Variants in GGTA1 observed in about 807,000 individuals in gnomAD.
The protein encoded by GGTA1 is inactive N-acetyllactosaminide alpha-1,3-galactosyltransferase.
In GGTA1, 5 loss-of-function variants were observed where a neutral mutation model predicts 2.6. That is an observed-to-expected ratio of 1.92 (90% CI 1.00 to 4.04). GGTA1 has a LOEUF of 4.04. Among genes scored for constraint, GGTA1 ranks in the 30% most tolerant of loss-of-function variants. The pLI, the probability that GGTA1 is intolerant of heterozygous loss-of-function variation, is 0.00. For missense variants in GGTA1, 50 were observed against 16.7 expected, an observed-to-expected ratio of 2.99 and a Z score of -3.47; for synonymous variants, 17 against 5.0, an observed-to-expected ratio of 3.38 and a Z score of -3.19.
chr9:121,480,890 A>G (rs1828628871), intron 1 of GGTA1, among the ~76,000 whole-genome samples: 1 of 152,168 alleles, frequency 6.6e-6, no homozygotes, highest in South Asian at 2.1e-4. Context: ...GCAGTGGCTC[A>G]GGCCTGTAAT....
rs113567500 is a variant in GGTA1, at chr9:121,489,385, G to A, written c.-10+10265C>T. 5.7e-3 allele frequency among the ~76,000 whole-genome samples: 870 copies of A among 152,110 alleles called. 8 individuals are homozygous for A. The highest frequency in any genetic ancestry group is 0.019 in the African/African-American group (808 of 41,462). ...AGCTAATCCTTTATTTTCTTTAGAGGTGAGGTCTTACTATGTTGCCCAGTC... is the reference window on the plus strand; with the variant it reads ...AGCTAATCCTTTATTTTCTTTAGAGATGAGGTCTTACTATGTTGCCCAGTC... On this transcript the variant is annotated intron_variant, in intron 1 of 5. Coordinates refer to ENST00000481799, the MANE Select transcript of GGTA1 (RefSeq NM_001382585.1).
In GGTA1 at chr9:121,465,016, AAAC is replaced by A. The variant is rs1196586091; in HGVS notation, c.81-1691_81-1689del. ...AAAAACAAAACAAACAAAAAAAAAA[AAAC>A]AAAAAACAACTCCTCCCCTTGAAGT... On this transcript the variant is annotated intron_variant, in intron 2 of 5. Transcript: ENST00000481799. 2.3e-3 allele frequency among the ~76,000 whole-genome samples: 342 copies of A among 150,104 alleles called. 10 individuals carry two copies. The highest frequency in any genetic ancestry group is 4.8e-3 in the South Asian group (23 of 4,782).
At chr9:121,451,550 G>A (rs2064878474), downstream of GGTA1, among the ~76,000 whole-genome samples, 1 of 152,190 alleles carries the variant, frequency 6.6e-6, no homozygotes, top group South Asian at 2.1e-4. Context: ...GAACAAGGGA[G>A]TTGAAACTGG....
At chr9:121,452,604 T>C (rs1258873700), downstream of GGTA1, among the ~76,000 whole-genome samples, 1 of 152,190 alleles carries the variant, frequency 6.6e-6, no homozygotes, top group East Asian at 1.9e-4. Context: ...CTGTAGTCTC[T>C]GCCTCCCAGG....
chr9:121,451,245 G>A (rs1399809680), downstream of GGTA1, among the ~76,000 whole-genome samples: 1 of 152,046 alleles, frequency 6.6e-6, no homozygotes, highest in Non-Finnish European at 1.5e-5. Flanking sequence ...TCACCCAGGG[G>A]CGTGATCTCA....
chr9:121,498,918 A>C lies in GGTA1; in HGVS notation c.-10+732T>G, dbSNP rs150833999. ...TGTTTTTTTTTTTTTTACTTTCTTC[A>C]AGAGTTTGTGCAATCATTGTGTTTA... On this transcript the variant is annotated intron_variant, in intron 1 of 5. Coordinates refer to ENST00000481799, the MANE Select transcript of GGTA1 (RefSeq NM_001382585.1). Among the ~76,000 whole-genome samples the C allele has an allele frequency of 8.3e-3, 1,228 of 148,816 alleles. 18 individuals are homozygous for C. The highest frequency in any genetic ancestry group is 0.029 in the African/African-American group (1,170 of 40,274).
intron 2 of GGTA1, among the ~76,000 whole-genome samples, chr9:121,466,599 G>T (rs139978274): frequency 4.5e-4 from 68 of 152,074 alleles, no homozygotes; most frequent in Non-Finnish European, 6.6e-4. Context: ...GCACCTAAAG[G>T]CACGGTTCCA....
chr9:121,499,259 G>T (rs937330697), intron 1 of GGTA1, among the ~76,000 whole-genome samples: 5 of 151,858 alleles, frequency 3.3e-5, no homozygotes, highest in African/African-American at 7.3e-5. Context: ...CCATTCCTCT[G>T]TCCTGCCCCA....
At chr9:121,469,534 G>A (rs114927821) in intron 1 of GGTA1, among the ~76,000 whole-genome samples, 3,574 of 152,282 alleles carry the variant, frequency 0.023, 138 homozygotes, top group African/African-American at 0.082. Context: ...CTGTGTGCTG[G>A]GGTGTGGAGG....
At chr9:121,451,342 C>G (rs543862666), downstream of GGTA1, among the ~76,000 whole-genome samples, 1 of 152,150 alleles carries the variant, frequency 6.6e-6, no homozygotes, top group Non-Finnish European at 1.5e-5. Flanking sequence ...TGTGCCACCA[C>G]GCCCAGCTAA....
chr9:121,462,905 A>T (rs2064972371), intron 3 of GGTA1: 1 of 158,620 alleles, frequency 6.3e-6, no homozygotes, highest in African/African-American at 2.4e-5. Flanking sequence ...AATGATACAC[A>T]CTAGTTTCTC....
At chr9:121,470,522 T>C (rs1828366535) in intron 1 of GGTA1, among the ~76,000 whole-genome samples, 1 of 152,308 alleles carries the variant, frequency 6.6e-6, no homozygotes, top group East Asian at 1.9e-4. Context: ...AGACATGCAG[T>C]TGGAAGAGTT....
intron 4 of GGTA1, 102 bp from the exon 5 acceptor site, chr9:121,460,321 T>A (rs1056780381): frequency 9.3e-6 from 4 of 429,860 alleles, no homozygotes; most frequent in East Asian, 7.0e-5. Flanking sequence ...AGGCAGATTA[T>A]GCATGCACTA....
At chr9:121,454,326 T>C (rs2064894381), downstream of GGTA1, among the ~76,000 whole-genome samples, 1 of 152,254 alleles carries the variant, frequency 6.6e-6, no homozygotes, top group African/African-American at 2.4e-5. Flanking sequence ...ATCATGTCCA[T>C]GGTCCAGGTA....
At chr9:121,477,295 T>C (rs1209215338) in intron 1 of GGTA1, among the ~76,000 whole-genome samples, 6 of 152,260 alleles carry the variant, frequency 3.9e-5, no homozygotes, top group African/African-American at 1.4e-4. Flanking sequence ...CAGGCAAAAC[T>C]GATTTATCTG....
chr9:121,457,731 C>T (rs2064925127), intron 5 of GGTA1, among the ~76,000 whole-genome samples: 1 of 145,212 alleles, frequency 6.9e-6, no homozygotes, highest in Non-Finnish European at 1.5e-5. Flanking sequence ...ATATAAAGAA[C>T]AGAGAAGAGG....
chr9:121,450,772 T>C (rs2064874396), downstream of GGTA1, among the ~76,000 whole-genome samples: 2 of 152,154 alleles, frequency 1.3e-5, no homozygotes, highest in African/African-American at 4.8e-5. Context: ...CTGGTAAACA[T>C]GTCAAAACTC....
intron 1 of GGTA1, among the ~76,000 whole-genome samples, chr9:121,496,757 A>AAAAAAAAAAAAAAG (rs1554838784): frequency 1.6e-4 from 18 of 112,000 alleles, no homozygotes; most frequent in African/African-American, 3.8e-4. Context: ...AAAAAAAAAA[A>AAAAAAAAAAAAAAG]AGAGAGAGAG....
At chr9:121,481,494 C>A (rs1373549025) in intron 1 of GGTA1, among the ~76,000 whole-genome samples, 1 of 151,616 alleles carries the variant, frequency 6.6e-6, no homozygotes, top group Non-Finnish European at 1.5e-5. Flanking sequence ...TGAGACCAGC[C>A]TAACATGGTG....
Sources: gnomAD v4.1 joint callset for allele counts (sites outside exome capture counted in the v4.1 genomes callset) on GRCh38, gnomAD v4.1.1 for gene constraint, MANE v1.5 for transcripts, NCBI Gene and HGNC (gene_info 2026-07-23, HGNC 2026-07-21) for gene names.